The following DPP10 variants were observed in gnomAD, a reference collection of about 807,000 sequenced individuals.
DPP10 encodes inactive dipeptidyl peptidase 10.
A neutral mutation model predicts 120.9 loss-of-function variants in DPP10; 33 were observed. The observed-to-expected ratio is 0.27, with a 90% CI of 0.21 to 0.37. The LOEUF is 0.37. DPP10 is among the 10% of genes least tolerant of loss of function. The pLI is 1.00. For synonymous variants in DPP10, 337 were observed against 326.1 expected, an observed-to-expected ratio of 1.03 and a Z score of -0.36; for missense variants, 816 against 942.8, an observed-to-expected ratio of 0.87 and a Z score of 1.76.
At chr2:114,731,243 A>G (rs1273048256) in intron 1 of DPP10, among the ~76,000 whole-genome samples, 1 of 150,142 alleles carries the variant, frequency 6.7e-6, no homozygotes, top group Admixed American at 6.6e-5. Flanking sequence ...TTTTTGAAGT[A>G]TGTTAATATC....
chr2:114,895,816 G>C (rs537043024), intron 1 of DPP10, among the ~76,000 whole-genome samples: 345 of 152,192 alleles, frequency 2.3e-3, no homozygotes, highest in Middle Eastern at 3.4e-3. Context: ...TGTAACCCCA[G>C]GGATTTACTC....
At chr2:115,569,480 A>T (rs1270850808) in intron 5 of DPP10, among the ~76,000 whole-genome samples, 1 of 152,224 alleles carries the variant, frequency 6.6e-6, no homozygotes, top group East Asian at 1.9e-4. Context: ...TCAGATATTA[A>T]TTATACTTGG....
chr2:114,496,159 G>A (rs1682499846), intron 1 of DPP10, among the ~76,000 whole-genome samples: 2 of 152,134 alleles, frequency 1.3e-5, no homozygotes, highest in South Asian at 4.1e-4. Context: ...TGGTGGTGGG[G>A]TGGGAGTGGG....
chr2:114,551,391 A>C (rs1230328117), intron 1 of DPP10, among the ~76,000 whole-genome samples: 1 of 152,150 alleles, frequency 6.6e-6, no homozygotes, highest in Non-Finnish European at 1.5e-5. Flanking sequence ...TCAAGGCTAT[A>C]ATTTTTATTT....
intron 3 of DPP10, among the ~76,000 whole-genome samples, chr2:115,441,738 C>T (rs778642980): frequency 2.0e-5 from 3 of 151,682 alleles, no homozygotes; most frequent in Non-Finnish European, 4.4e-5. Flanking sequence ...TTATTTGATT[C>T]ATCTTTCCCA....
chr2:114,608,352 A>T (rs982659950), intron 1 of DPP10, among the ~76,000 whole-genome samples: 4 of 152,192 alleles, frequency 2.6e-5, no homozygotes, highest in Non-Finnish European at 5.9e-5. Context: ...ACAAATAATT[A>T]AAAATAATGG....
chr2:115,704,863 TA>T (rs2092038022), intron 7 of DPP10, among the ~76,000 whole-genome samples: 1 of 151,986 alleles, frequency 6.6e-6, no homozygotes, highest in Non-Finnish European at 1.5e-5. Flanking sequence ...CTAATTAATG[TA>T]AATGAAATGA....
Position 114,804,925 on chromosome 2 carries a change from T to C in DPP10, c.60+362087T>C, listed in dbSNP as rs2106298227. ...CCAGGGCGGAATGATATAGTTTGGC[T>C]GCGTCCCCACCCAAATCTCAATTTG... On this transcript the variant is annotated intron_variant, in intron 1 of 25. Transcript: ENST00000410059. Among the ~76,000 whole-genome samples, 2 of 152,290 alleles carry C rather than the reference T, an allele frequency of 1.3e-5. 1 individual carries two copies. Among genetic ancestry groups the C allele is most frequent in the South Asian group, 4.2e-4 (2 of 4,818 alleles).
At chr2:115,601,151 A>G (rs554692663) in intron 5 of DPP10, among the ~76,000 whole-genome samples, 1 of 152,332 alleles carries the variant, frequency 6.6e-6, no homozygotes, top group African/African-American at 2.4e-5. Flanking sequence ...TCTTTAAACT[A>G]TAGCGGATAG....
At chr2:115,813,887 A>G (rs903434767) in intron 19 of DPP10, among the ~76,000 whole-genome samples, 9 of 152,208 alleles carry the variant, frequency 5.9e-5, no homozygotes, top group African/African-American at 2.2e-4. Context: ...TGCCCAACTA[A>G]CAATGGAGAT....
intron 1 of DPP10, among the ~76,000 whole-genome samples, chr2:115,203,792 A>G (rs74580072): frequency 0.062 from 9,370 of 152,094 alleles, 328 homozygotes; most frequent in Middle Eastern, 0.11. Flanking sequence ...TATCCAATAT[A>G]TTTTATTATG....
intron 1 of DPP10, among the ~76,000 whole-genome samples, chr2:114,540,102 T>C (rs1187021307): frequency 6.6e-6 from 1 of 152,234 alleles, no homozygotes; most frequent in Non-Finnish European, 1.5e-5. Flanking sequence ...CAAAGACAGA[T>C]ACCACCAATT....
chr2:115,689,906 C>A lies in DPP10; in HGVS notation c.561C>A (p.Val187=), dbSNP rs779842739. 1.4e-5 allele frequency: 22 copies of A among 1,613,702 alleles called. No homozygotes were observed. Among genetic ancestry groups the A allele is most frequent in the Non-Finnish European group, 1.8e-5 (21 of 1,179,922 alleles). Residue 187 remains valine (V), a synonymous_variant, in exon 7 of 26, where the codon GTC becomes GTA. Transcript: ENST00000410059. ...TCTTGCAGTACGCGGCCTGGGGTGT[C>A]CAAGGGCAGCAGCTGGTAAGCGCAG... The part of the protein sequence containing the change: ...DSVLQYAAWG[V]QGQQLIYIFE...
chr2:114,748,632 C>T (rs1678878228), intron 1 of DPP10, among the ~76,000 whole-genome samples: 1 of 83,812 alleles, frequency 1.2e-5, no homozygotes, highest in African/African-American at 4.9e-5. Flanking sequence ...CAATTCCCAC[C>T]TATGAGTGAG....
At chr2:115,454,075 A>G (rs1019409314) in intron 3 of DPP10, among the ~76,000 whole-genome samples, 2 of 151,666 alleles carry the variant, frequency 1.3e-5, no homozygotes, top group South Asian at 2.1e-4. Context: ...TGAATTAGCA[A>G]TTTAATATCT....
rs1462738680 is a variant in DPP10 at position 115,844,404 on chromosome 2, T to G, written c.*2059T>G. 6.6e-6 allele frequency: 1 copy of G among 152,616 alleles called. No individual in the cohort carries two copies. The highest frequency in any genetic ancestry group is 1.5e-5 in the Non-Finnish European group (1 of 68,022). 9.5% of individuals were successfully genotyped at this position (152,616 alleles called of 1,614,324 possible). ...TTATTATTATCAATGTTTATCTATTTTTCAATTAATTTAATACAGTTTCTA... is the reference window on the plus strand; with the variant it reads ...TTATTATTATCAATGTTTATCTATTGTTCAATTAATTTAATACAGTTTCTA... On this transcript the variant is annotated 3_prime_UTR_variant, in exon 26 of 26. Coordinates refer to ENST00000410059, the MANE Select transcript of DPP10 (RefSeq NM_020868.6).
intron 1 of DPP10, among the ~76,000 whole-genome samples, chr2:115,192,550 A>G (rs982457536): frequency 1.3e-5 from 2 of 152,230 alleles, no homozygotes; most frequent in African/African-American, 4.8e-5. Context: ...CAGTCTAGCA[A>G]TATCCAGTTT....
At chr2:115,265,070 T>G (rs1427788068) in intron 1 of DPP10, among the ~76,000 whole-genome samples, 2 of 152,072 alleles carry the variant, frequency 1.3e-5, no homozygotes, top group Non-Finnish European at 2.9e-5. Flanking sequence ...TTGATGAAGA[T>G]CCATAAAGAT....
chr2:115,761,258 A>T (rs1026598970), intron 11 of DPP10, among the ~76,000 whole-genome samples: 2 of 152,142 alleles, frequency 1.3e-5, no homozygotes, highest in South Asian at 4.1e-4. Context: ...TAAAAAATTA[A>T]AGTAAAAATT....
Sources: allele counts gnomAD v4.1 joint callset (sites outside exome capture counted in the v4.1 genomes callset), GRCh38; gene constraint gnomAD v4.1.1; transcripts MANE v1.5; gene names NCBI Gene and HGNC (gene_info 2026-07-23, HGNC 2026-07-21).